Variants in NAALADL2 observed in about 807,000 individuals in gnomAD.
NAALADL2 encodes the protein inactive N-acetylated-alpha-linked acidic dipeptidase-like protein 2.
Under a neutral mutation model 87.2 loss-of-function variants are expected in NAALADL2, and 76 were observed. The observed-to-expected ratio is 0.87, with a 90% CI of 0.72 to 1.05. NAALADL2 has a LOEUF of 1.05. Among genes scored for constraint, NAALADL2 ranks in the 50% least tolerant of loss-of-function variants. The pLI is 0.00. For synonymous variants in NAALADL2, 354 were observed against 331.0 expected (o/e 1.07, Z -0.75); for missense variants, 1,089 against 945.8 (o/e 1.15, Z -1.99).
At chr3:174,975,326 T>C (rs964288791) in intron 1 of NAALADL2, among the ~76,000 whole-genome samples, 2 of 152,160 alleles carry the variant, frequency 1.3e-5, no homozygotes, top group Admixed American at 6.6e-5. Context: ...TAAGTGTTCA[T>C]TGGGAAGAAG....
chr3:175,315,903 G>A (rs968987338), intron 4 of NAALADL2, among the ~76,000 whole-genome samples: 3 of 152,146 alleles, frequency 2.0e-5, no homozygotes, highest in African/African-American at 4.8e-5. Flanking sequence ...GTTTTGGGGG[G>A]AGAATATATT....
At chr3:174,574,889 A>C (rs1039212681) in intron 2 of NAALADL2, among the ~76,000 whole-genome samples, 1 of 152,110 alleles carries the variant, frequency 6.6e-6, no homozygotes, top group African/African-American at 2.4e-5. Flanking sequence ...CAATTTATAA[A>C]AGCAAAACGA....
At chr3:175,371,271 T>C (rs1331954582) in intron 5 of NAALADL2, among the ~76,000 whole-genome samples, 1 of 151,918 alleles carries the variant, frequency 6.6e-6, no homozygotes, top group Non-Finnish European at 1.5e-5. Context: ...ATATTATTAT[T>C]ATTATTATTT....
At chr3:174,450,365 G>A (rs2108270652) in intron 1 of NAALADL2, among the ~76,000 whole-genome samples, 1 of 152,252 alleles carries the variant, frequency 6.6e-6, no homozygotes, top group South Asian at 2.1e-4. Flanking sequence ...ACCACGCATG[G>A]GAAAATAGGG....
intron 1 of NAALADL2, among the ~76,000 whole-genome samples, chr3:174,895,793 T>A (rs1359579156): frequency 1.3e-5 from 2 of 151,800 alleles, no homozygotes; most frequent in East Asian, 1.9e-4. Flanking sequence ...GAATAAAAAA[T>A]CCTCAAGAAA....
chr3:175,584,152 C>T (rs755716355), intron 10 of NAALADL2, among the ~76,000 whole-genome samples: 19 of 151,950 alleles, frequency 1.3e-4, no homozygotes, highest in Non-Finnish European at 2.2e-4. Context: ...ATTCTCCTGC[C>T]TCAGCCTCCT....
intron 12 of NAALADL2, among the ~76,000 whole-genome samples, chr3:175,742,491 G>GGAAGCTCCGCCTCCCA (rs1406145960): frequency 6.7e-6 from 1 of 150,070 alleles, no homozygotes; most frequent in Non-Finnish European, 1.5e-5. Context: ...TCCGCCTCCC[G>GGAAGCTCCGCCTCCCA]GGTTCACGCC....
chr3:175,016,238 G>A (rs1449039967), intron 1 of NAALADL2, among the ~76,000 whole-genome samples: 2 of 144,612 alleles, frequency 1.4e-5, no homozygotes, highest in African/African-American at 5.3e-5. Flanking sequence ...GTTTGATTTA[G>A]GCCTATCTCA....
intron 1 of NAALADL2, among the ~76,000 whole-genome samples, chr3:174,545,435 A>G (rs78010658): frequency 0.02 from 2,998 of 152,224 alleles, 82 homozygotes; most frequent in South Asian, 0.097. Flanking sequence ...GACTTCTTAC[A>G]TGCCTGAAAT....
intron 11 of NAALADL2, among the ~76,000 whole-genome samples, chr3:175,727,410 C>T (rs577312643): frequency 1.3e-4 from 20 of 152,118 alleles, no homozygotes; most frequent in Non-Finnish European, 2.4e-4. Flanking sequence ...TTTTGGTAGG[C>T]CCCTGGACCA....
chr3:175,211,501 A>G (rs1036983365), intron 2 of NAALADL2, among the ~76,000 whole-genome samples: 1 of 151,952 alleles, frequency 6.6e-6, no homozygotes, highest in African/African-American at 2.4e-5. Context: ...TCTATTTTAT[A>G]CTAAAGTACC....
intron 3 of NAALADL2, among the ~76,000 whole-genome samples, chr3:174,786,460 A>T (rs1156410322): frequency 2.3e-5 from 3 of 131,692 alleles, no homozygotes; most frequent in African/African-American, 5.6e-5. Context: ...AAAAAAAAAA[A>T]AAAAAATAAT....
At chr3:174,855,767 G>A (rs1579221649), upstream of NAALADL2, among the ~76,000 whole-genome samples, 1 of 112,234 alleles carries the variant, frequency 8.9e-6, no homozygotes, top group Non-Finnish European at 1.7e-5. Context: ...AGAGTGTCAG[G>A]AGAGAAATAC....
At chr3:175,258,152 CA>C (rs530174292) in intron 4 of NAALADL2, among the ~76,000 whole-genome samples, 1 of 151,590 alleles carries the variant, frequency 6.6e-6, no homozygotes, top group African/African-American at 2.4e-5. Context: ...ACTAAAAATA[CA>C]AAAAATTAGC....
At position 175,004,598 on chromosome 3, in the gene NAALADL2, A is replaced by G. The variant is rs568571228; in HGVS notation, c.44-92192A>G. ...TACGTGTGAGGAAGTATAAGAAAATAATTGCTTATCGGTAGTATATGAATT... is the reference window on the plus strand; with the variant it reads ...TACGTGTGAGGAAGTATAAGAAAATGATTGCTTATCGGTAGTATATGAATT... On this transcript the variant is annotated intron_variant, in intron 1 of 13. Transcript: ENST00000454872. Among the ~76,000 whole-genome samples, 3 of 152,146 alleles carry G rather than the reference A, an allele frequency of 2.0e-5. No individual in the cohort carries two copies. The East Asian group carries it at 5.8e-4, about 29-fold the overall frequency.
At chr3:175,515,470 G>T (rs1731704677) in intron 9 of NAALADL2, among the ~76,000 whole-genome samples, 1 of 151,904 alleles carries the variant, frequency 6.6e-6, no homozygotes, top group Non-Finnish European at 1.5e-5. Flanking sequence ...ATCTAAATTA[G>T]CTCAATGTTA....
intron 2 of NAALADL2, among the ~76,000 whole-genome samples, chr3:175,188,740 A>C (rs1737709912): frequency 6.6e-6 from 1 of 151,994 alleles, no homozygotes; most frequent in Non-Finnish European, 1.5e-5. Context: ...CTTGGTACTT[A>C]ATCCTATTGC....
At chr3:174,829,073 G>A (rs1423700036) in intron 3 of NAALADL2, among the ~76,000 whole-genome samples, 3 of 151,854 alleles carry the variant, frequency 2.0e-5, no homozygotes, top group African/African-American at 7.3e-5. Context: ...ATACAAAGAG[G>A]TTCAGGTATT....
chr3:175,081,425 T>A (rs1717795573), intron 1 of NAALADL2, among the ~76,000 whole-genome samples: 1 of 152,196 alleles, frequency 6.6e-6, no homozygotes, highest in African/African-American at 2.4e-5. Context: ...CTCACTGTAG[T>A]AATGTCTTTA....
Sources: allele counts gnomAD v4.1 joint callset (sites outside exome capture counted in the v4.1 genomes callset), GRCh38; gene constraint gnomAD v4.1.1; transcripts MANE v1.5; gene names NCBI Gene and HGNC (gene_info 2026-07-23, HGNC 2026-07-21).